Variants in GFRA3 observed in about 807,000 individuals in gnomAD.
The protein encoded by GFRA3 is GDNF family receptor alpha-3.
Under a neutral mutation model 40.0 loss-of-function variants are expected in GFRA3, and 24 were observed. That is an observed-to-expected ratio of 0.60 (90% confidence interval 0.43 to 0.84). The LOEUF is 0.84. GFRA3 is among the 40% of genes least tolerant of loss of function. The pLI is 0.00. For missense variants in GFRA3, 405 were observed against 530.6 expected, an observed-to-expected ratio of 0.76 and a Z score of 2.33; for synonymous variants, 203 against 213.5, an observed-to-expected ratio of 0.95 and a Z score of 0.43.
intron 3 of GFRA3, among the ~76,000 whole-genome samples, chr5:138,258,443 A>G (rs1391721786): frequency 6.6e-6 from 1 of 151,858 alleles, no homozygotes; most frequent in Non-Finnish European, 1.5e-5. Flanking sequence ...CGGCCTCCCA[A>G]AGTGCTGGGA....
intron 4 of GFRA3, among the ~76,000 whole-genome samples, chr5:138,254,941 G>GA (rs938847630): frequency 4.5e-5 from 6 of 133,288 alleles, no homozygotes; most frequent in Admixed American, 1.5e-4. Flanking sequence ...ACGAAAGAAA[G>GA]AAAAAAAAAG....
In GFRA3 at chr5:138,257,965, G is replaced by T; in HGVS notation, c.473-14C>A. 1.2e-6 allele frequency: 2 copies of T among 1,612,090 alleles called. No homozygotes were observed. The highest frequency in any genetic ancestry group is 1.7e-6 in the Non-Finnish European group (2 of 1,178,226). Reference sequence around the variant, plus strand: ...AGAGGTCTGAGTCTGGGGGGAAAGGGCACGGAGTCAGTCGGCTGGGCCCTC... The same window carrying T: ...AGAGGTCTGAGTCTGGGGGGAAAGGTCACGGAGTCAGTCGGCTGGGCCCTC... On this transcript the variant is annotated splice_polypyrimidine_tract_variant and intron_variant, in intron 3 of 7. Transcript: ENST00000274721.
rs1377062225 is a variant in GFRA3, at chr5:138,274,442, G to A, written c.-18C>T. Reference sequence around the variant, plus strand: ...CGCACCATGGCGAGCTGTAGGCGCCGGGCTCCGCGCTCCCCTCGCTCCTCC... The same window carrying A: ...CGCACCATGGCGAGCTGTAGGCGCCAGGCTCCGCGCTCCCCTCGCTCCTCC... On this transcript the variant is annotated 5_prime_UTR_variant, in exon 1 of 8. Coordinates refer to ENST00000274721, the MANE Select transcript of GFRA3 (RefSeq NM_001496.4). 3 of 1,291,392 alleles carry A rather than the reference G, an allele frequency of 2.3e-6. No individual in the cohort carries two copies. Among genetic ancestry groups the A allele is most frequent in the South Asian group, 5.0e-5 (2 of 39,806 alleles). The allele number at this position is 1,291,392 out of a possible 1,614,324, so 80.0% of individuals were successfully genotyped here. A position where few individuals can be genotyped will look rare whatever the true frequency, so the allele number is the denominator to read the frequency against.
In GFRA3 at chr5:138,273,156, T is replaced by C. The variant is rs926254647; in HGVS notation, c.91+1178A>G. ...ACTTCCCCATGAATCGGAGGTCTCC[T>C]ATATGCTTGGCTTTAGCAGGCCCTG... On this transcript the variant is annotated intron_variant, in intron 1 of 7. Transcript: ENST00000274721. 6.6e-5 allele frequency among the ~76,000 whole-genome samples: 10 copies of C among 152,332 alleles called. No individual in the cohort carries two copies. In the East Asian group the frequency reaches 1.9e-3, roughly 29 times the overall value.
chr5:138,269,844 CA>C (rs71585112), intron 1 of GFRA3, among the ~76,000 whole-genome samples: 30,299 of 79,974 alleles, frequency 0.38, 3,747 homozygotes, highest in South Asian at 0.46. Context: ...GACTCCATCT[CA>C]AAAAAAAAAA....
chr5:138,256,301 G>T (rs1192751597), intron 4 of GFRA3, among the ~76,000 whole-genome samples: 1 of 151,698 alleles, frequency 6.6e-6, no homozygotes, highest in Non-Finnish European at 1.5e-5. Context: ...GGCTGAGGCG[G>T]GCGGATCACG....
chr5:138,262,923 G>C (rs1424295084), intron 2 of GFRA3, among the ~76,000 whole-genome samples: 1 of 152,096 alleles, frequency 6.6e-6, no homozygotes, highest in Non-Finnish European at 1.5e-5. Context: ...TGAGATCCTA[G>C]ACTTGAAGCC....
intron 1 of GFRA3, among the ~76,000 whole-genome samples, chr5:138,265,351 G>A (rs1309461722): frequency 6.6e-6 from 1 of 151,904 alleles, no homozygotes; most frequent in Non-Finnish European, 1.5e-5. Flanking sequence ...CGTGTAGCTG[G>A]GATTACAGGC....
intron 4 of GFRA3, 27 bp from the exon 5 acceptor site, chr5:138,254,187 CTTTTTT>C: frequency 3.2e-6 from 3 of 938,334 alleles, no homozygotes; most frequent in Non-Finnish European, 1.6e-6. Flanking sequence ...TTCTGTCTTT[CTTTTTT>C]TTTTTTTTTT....
chr5:138,252,883 C>A lies in GFRA3; in HGVS notation c.*85G>T. 1.3e-6 allele frequency: 1 copy of A among 754,986 alleles called. No homozygotes were observed. The highest frequency in any genetic ancestry group is 2.4e-6 in the Non-Finnish European group (1 of 425,292). The allele number at this position is 754,986 out of a possible 1,614,324, so 46.8% of individuals were successfully genotyped here. On this transcript the variant is annotated 3_prime_UTR_variant, in exon 8 of 8. Transcript: ENST00000274721. ...CCTCATCTGCGCACTGCACCTCCTT[C>A]CTGCTGCTGTCCTTTCCTCACCCCT...
Position 138,274,256 on chromosome 5 carries a change from A to G in GFRA3, c.91+78T>C, listed in dbSNP as rs180861883. 3.8e-3 allele frequency: 4,902 copies of G among 1,304,084 alleles called. 9 individuals are homozygous for G. The highest frequency in any genetic ancestry group is 4.2e-3 in the Non-Finnish European group (4,319 of 1,023,622). The allele number at this position is 1,304,084 out of a possible 1,614,324, so 80.8% of individuals were successfully genotyped here. ...CGGGAGGCTGCTGCGCCCTCTCCGG[A>G]CAGGTGCCCCGGGCCTCGCCTACAC... On this transcript the variant is annotated intron_variant, in intron 1 of 7. Coordinates refer to ENST00000274721, the MANE Select transcript of GFRA3 (RefSeq NM_001496.4).
chr5:138,253,272 C>G lies in GFRA3; in HGVS notation c.1113+15G>C. 1.3e-6 allele frequency: 2 copies of G among 1,526,756 alleles called. No homozygotes were observed. Among genetic ancestry groups the G allele is most frequent in the South Asian group, 1.2e-5 (1 of 85,078 alleles). 94.6% of individuals were successfully genotyped at this position (1,526,756 alleles called of 1,614,324 possible). On this transcript the variant is annotated intron_variant, in intron 7 of 7. Coordinates refer to ENST00000274721, the MANE Select transcript of GFRA3 (RefSeq NM_001496.4). ...CCCAGTAAAGGTCTGAGGGGTGTAA[C>G]AGAGGAGGCCCTACCTGGTGTGCCA...
chr5:138,265,629 G>A (rs1398228832), intron 1 of GFRA3, among the ~76,000 whole-genome samples: 4 of 152,064 alleles, frequency 2.6e-5, no homozygotes, highest in Non-Finnish European at 4.4e-5. Context: ...CTTAGATCAA[G>A]CCACCATCAA....
At chr5:138,271,085 C>A (rs112323030) in intron 1 of GFRA3, among the ~76,000 whole-genome samples, 1 of 151,952 alleles carries the variant, frequency 6.6e-6, no homozygotes, top group African/African-American at 2.4e-5. Context: ...CTCTGCCTCC[C>A]GGGTTCAAGC....
intron 1 of GFRA3, among the ~76,000 whole-genome samples, chr5:138,266,272 C>T (rs1755781306): frequency 6.6e-6 from 1 of 152,054 alleles, no homozygotes; most frequent in African/African-American, 2.4e-5. Flanking sequence ...GCAGCTGTAC[C>T]ATTTTACATT....
chr5:138,260,468 T>C (rs1415718408), intron 2 of GFRA3, among the ~76,000 whole-genome samples: 1 of 152,164 alleles, frequency 6.6e-6, no homozygotes, highest in Non-Finnish European at 1.5e-5. Context: ...AGCAAATTCT[T>C]ACTAAAAATG....
chr5:138,273,259 C>A (rs961641422), intron 1 of GFRA3, among the ~76,000 whole-genome samples: 2 of 152,170 alleles, frequency 1.3e-5, no homozygotes, highest in African/African-American at 2.4e-5. Flanking sequence ...ATGGTACCTC[C>A]TAGATGACTG....
At chr5:138,259,935 C>T (rs892738730) in intron 2 of GFRA3, among the ~76,000 whole-genome samples, 7 of 152,160 alleles carry the variant, frequency 4.6e-5, no homozygotes, top group African/African-American at 1.2e-4. Context: ...TGAGCACCAT[C>T]GCACTTACGC....
chr5:138,265,480 AG>A (rs1561652353), intron 1 of GFRA3, among the ~76,000 whole-genome samples: 1 of 151,934 alleles, frequency 6.6e-6, no homozygotes, highest in Non-Finnish European at 1.5e-5. Context: ...AGCCTCCCAA[AG>A]TGCTGGGATT....
Sources: gnomAD v4.1 joint callset for allele counts (sites outside exome capture counted in the v4.1 genomes callset) on GRCh38, gnomAD v4.1.1 for gene constraint, MANE v1.5 for transcripts, NCBI Gene and HGNC (gene_info 2026-07-23, HGNC 2026-07-21) for gene names.